The following RNF157 variants were observed in gnomAD, a reference collection of about 807,000 sequenced individuals.
The protein encoded by RNF157 is E3 ubiquitin ligase RNF157.
RNF157 carries 55 observed loss-of-function variants against 88.3 expected under a neutral mutation model. The observed-to-expected ratio is 0.62, with a 90% CI of 0.50 to 0.78. The LOEUF is 0.78. Ranked by LOEUF, RNF157 falls within the 30% of genes least tolerant of loss-of-function variation. The pLI, the probability that RNF157 is intolerant of heterozygous loss-of-function variation, is 0.00. For missense variants in RNF157, 788 were observed against 860.8 expected (o/e 0.92, Z 1.06); for synonymous variants, 334 against 341.2 (o/e 0.98, Z 0.23).
chr17:76,197,350 A>G (rs545502155), intron 2 of RNF157, among the ~76,000 whole-genome samples: 47 of 152,300 alleles, frequency 3.1e-4, no homozygotes, highest in African/African-American at 1.0e-3. Context: ...AGTTTCAGGT[A>G]TAGCAATCAA....
At chr17:76,223,057 A>AT (rs1479196006) in intron 1 of RNF157, among the ~76,000 whole-genome samples, 14 of 151,316 alleles carry the variant, frequency 9.3e-5, no homozygotes, top group African/African-American at 2.4e-5. Flanking sequence ...TGCCTGGCTA[A>AT]TTTTTTGTAT....
chr17:76,191,515 T>C (rs1477237606), intron 2 of RNF157, among the ~76,000 whole-genome samples: 2 of 150,236 alleles, frequency 1.3e-5, no homozygotes, highest in East Asian at 1.9e-4. Flanking sequence ...AGGCAGAGAA[T>C]TGCTTGAACC....
intron 2 of RNF157, among the ~76,000 whole-genome samples, chr17:76,201,440 A>G (rs2069576596): frequency 6.6e-6 from 1 of 152,064 alleles, no homozygotes. Flanking sequence ...TGAGCCCAGG[A>G]GTTCCAGGTT....
rs1198526019 is a variant in RNF157, at chr17:76,157,084, A to G, written c.1414-763T>C. Among the ~76,000 whole-genome samples, 1 of 151,644 alleles carries G rather than the reference A, an allele frequency of 6.6e-6. No homozygotes were observed. The highest frequency in any genetic ancestry group is 1.5e-5 in the Non-Finnish European group (1 of 67,996). On this transcript the variant is annotated intron_variant, in intron 13 of 18. Transcript: ENST00000269391. The surrounding 1 kb of genome is among the most constrained non-coding windows in gnomAD (Gnocchi z 5.6). ...TGGGTTCAAGCGATTCTCCTGCCTC[A>G]GCCTCCCGAGTAGCTGGGACTACAG...
At position 76,171,421 on chromosome 17, in the gene RNF157, T is replaced by C. The variant is rs534701815; in HGVS notation, c.296+2281A>G. Among the ~76,000 whole-genome samples the C allele has an allele frequency of 8.7e-5, 13 of 150,014 alleles. No individual in the cohort carries two copies. In the South Asian group the frequency reaches 2.7e-3, roughly 32 times the overall value. ...CCAGGCTGGTCTTGAACTCCTGACC[T>C]CGGTGATCCGCCCGCCTTGGTCTCC... is the stretch of plus-strand genomic sequence containing the variant. On this transcript the variant is annotated intron_variant, in intron 3 of 18. Coordinates refer to ENST00000269391, the MANE Select transcript of RNF157 (RefSeq NM_052916.3).
intron 2 of RNF157, among the ~76,000 whole-genome samples, chr17:76,210,412 A>G (rs1056988453): frequency 9.2e-5 from 14 of 151,534 alleles, no homozygotes; most frequent in East Asian, 3.9e-4. Context: ...AACACAGTGA[A>G]ACCCCGTCTC....
Position 76,169,987 on chromosome 17 carries a change from T to C in RNF157, c.297-2190A>G, listed in dbSNP as rs565898713. Among the ~76,000 whole-genome samples, 3 of 152,310 alleles carry C rather than the reference T, an allele frequency of 2.0e-5. No individual in the cohort carries two copies. In the South Asian group the frequency reaches 6.2e-4, roughly 32 times the overall value. On this transcript the variant is annotated intron_variant, in intron 3 of 18. Coordinates refer to ENST00000269391, the MANE Select transcript of RNF157 (RefSeq NM_052916.3). ...TGGCTGTCTGCTTGTATTTAAGATA[T>C]TTAAACTGCTGATTAGAGCTCTGAG...
intron 1 of RNF157, among the ~76,000 whole-genome samples, chr17:76,227,831 C>T (rs1407285720): frequency 1.1e-4 from 16 of 152,034 alleles, no homozygotes; most frequent in Non-Finnish European, 2.4e-4. Context: ...GAGCCAAGAT[C>T]GCCCCATTGC....
intron 8 of RNF157, 138 bp downstream of exon 8, chr17:76,164,610 T>C (rs1290715735): frequency 6.0e-6 from 3 of 499,636 alleles, no homozygotes; most frequent in South Asian, 3.7e-5. Flanking sequence ...TCTTCTTTGA[T>C]TAAAAAAAAA....
Position 76,154,282 on chromosome 17 carries a change from C to G in RNF157, c.1810+1G>C. On this transcript the variant is annotated splice_donor_variant, in intron 17 of 18. Coordinates refer to ENST00000269391, the MANE Select transcript of RNF157 (RefSeq NM_052916.3). LOFTEE classifies it high-confidence loss of function. ...AAGTAAAGGACCAGATCTTTTACCA[C>G]CTTCCTGCGTGGGTGATCCATCCTC... 1 of 1,606,990 alleles carries G rather than the reference C, an allele frequency of 6.2e-7. No homozygotes were observed. The highest frequency in any genetic ancestry group is 8.5e-7 in the Non-Finnish European group (1 of 1,173,442).
At chr17:76,182,591 T>C (rs1471022857) in intron 2 of RNF157, among the ~76,000 whole-genome samples, 1 of 151,328 alleles carries the variant, frequency 6.6e-6, no homozygotes, top group Non-Finnish European at 1.5e-5. Context: ...ACAGTACATG[T>C]GAAAGGACAT....
chr17:76,206,804 C>T (rs945015378), intron 2 of RNF157, among the ~76,000 whole-genome samples: 3 of 152,114 alleles, frequency 2.0e-5, no homozygotes, highest in Admixed American at 1.3e-4. Flanking sequence ...CAGTGAAGAA[C>T]CCTACCTAGA....
chr17:76,213,494 C>T (rs1278162350), intron 1 of RNF157, among the ~76,000 whole-genome samples: 1 of 148,056 alleles, frequency 6.8e-6, no homozygotes, highest in Non-Finnish European at 1.5e-5. Flanking sequence ...CTCTCGAACC[C>T]GGGAGGCAGA....
chr17:76,158,454 T>G lies in RNF157; in HGVS notation c.1352A>C (p.His451Pro), dbSNP rs1414129947. The change falls in exon 13 of 19, where the codon CAT (histidine) becomes CCT (proline). Residue 451 changes from histidine (H) to proline (P), a missense_variant. Transcript: ENST00000269391. Reference sequence around the variant, plus strand: ...CTGTGTCTCCGACTCGCTGCAGGAATGCTCATCTTCCTCTTCATGCAGCAC... The same window carrying G: ...CTGTGTCTCCGACTCGCTGCAGGAAGGCTCATCTTCCTCTTCATGCAGCAC... ...SSVLHEEEDE[H>P]SCSESETQLS... is the part of the protein sequence containing the mutation. 1 of 1,613,894 alleles carries G rather than the reference T, an allele frequency of 6.2e-7. No individual in the cohort carries two copies. Among genetic ancestry groups the G allele is most frequent in the Non-Finnish European group, 8.5e-7 (1 of 1,179,920 alleles).
chr17:76,199,148 GA>G (rs141209983), intron 2 of RNF157, among the ~76,000 whole-genome samples: 2,108 of 152,340 alleles, frequency 0.014, 36 homozygotes, highest in African/African-American at 0.045. Flanking sequence ...GGGGAAAGAA[GA>G]TCAAAGTTGG....
rs752680944 is a variant in RNF157, at chr17:76,145,267, T to A, written c.2008A>T (p.Arg670Trp). Residue 670 changes from arginine (R) to tryptophan (W), a missense_variant, in exon 19 of 19, where the codon AGG becomes TGG. Physicochemically the swap from Arg to Trp is moderately radical, Grantham distance 101. Transcript: ENST00000269391. ...SSSSLEDSET[R>W]PCVWGPLAV ...GCCAAAGGGCCCCACACACAGGGCC[T>A]CGTCTCAGAGTCCTCCAGGCTGCTG... is the stretch of plus-strand genomic sequence containing the variant. 2 of 1,607,948 alleles carry A rather than the reference T, an allele frequency of 1.2e-6. No individual in the cohort carries two copies. Among genetic ancestry groups the A allele is most frequent in the South Asian group, 2.2e-5 (2 of 89,854 alleles).
chr17:76,237,006 G>A (rs1345636144), intron 1 of RNF157, among the ~76,000 whole-genome samples: 1 of 152,232 alleles, frequency 6.6e-6, no homozygotes, highest in Non-Finnish European at 1.5e-5. Context: ...GACAACAGCG[G>A]TGAGAACAAG....
At position 76,153,531 on chromosome 17, in the gene RNF157, G is replaced by C. The variant is rs183858537; in HGVS notation, c.1810+752C>G. 859 of 152,452 alleles carry C rather than the reference G, an allele frequency of 5.6e-3. 8 individuals are homozygous for C. Among genetic ancestry groups the C allele is most frequent in the Non-Finnish European group, 8.9e-3 (608 of 68,118 alleles). The allele number at this position is 152,452 out of a possible 1,614,324, so 9.4% of individuals were successfully genotyped here. A position where few individuals can be genotyped will look rare whatever the true frequency, so the allele number is the denominator to read the frequency against. ...CTGAGGGAGGGGCCTCAGAGCAGCA[G>C]GGGGAAGAGTCTGGCTCCTGGAACA... On this transcript the variant is annotated intron_variant, in intron 17 of 18. Transcript: ENST00000269391.
At chr17:76,198,789 C>G (rs1042499716) in intron 2 of RNF157, among the ~76,000 whole-genome samples, 1 of 152,182 alleles carries the variant, frequency 6.6e-6, no homozygotes, top group Non-Finnish European at 1.5e-5. Flanking sequence ...GACAAAAATT[C>G]GAAGCTCACA....
Sources: gnomAD v4.1 joint callset for allele counts (sites outside exome capture counted in the v4.1 genomes callset) on GRCh38, gnomAD v4.1.1 for gene constraint, Gnocchi (gnomAD v3.1) non-coding constraint, MANE v1.5 for transcripts, NCBI Gene and HGNC (gene_info 2026-07-23, HGNC 2026-07-21) for gene names.